The following MSANTD7 variants were observed in gnomAD, a reference collection of about 807,000 sequenced individuals.
The protein encoded by MSANTD7 is Myb/SANT DNA binding domain containing 7.
chr10:14,842,872 T>C, the MSANTD7 span: 1 of 1,462,048 alleles, frequency 6.8e-7, no homozygotes, highest in Admixed American at 2.1e-5. The surrounding 1 kb of genome is among the most constrained non-coding windows in gnomAD (Gnocchi z 5.2). Context: ...GTGAAGGAGT[T>C]GGGTCCCAGA....
At chr10:14,840,433 A>G in the MSANTD7 span, among the ~76,000 whole-genome samples, 1 of 151,910 alleles carries the variant, frequency 6.6e-6, no homozygotes, top group East Asian at 1.9e-4. Context: ...ACATTTTTAG[A>G]TTTTTTTTAA....
the MSANTD7 span, among the ~76,000 whole-genome samples, chr10:14,839,097 C>CTACAGAG: frequency 2.6e-5 from 4 of 152,134 alleles, no homozygotes; most frequent in Non-Finnish European, 4.4e-5. Context: ...GTTGATGGTG[C>CTACAGAG]GTGGTCTACA....
chr10:14,846,964 C>A, the MSANTD7 span: 1 of 985,228 alleles, frequency 1.0e-6, no homozygotes, highest in Non-Finnish European at 1.2e-6. Context: ...GTTCGGTAAT[C>A]CTGGTGTGGA....
At chr10:14,839,584 A>AG in the MSANTD7 span, among the ~76,000 whole-genome samples, 1 of 152,100 alleles carries the variant, frequency 6.6e-6, no homozygotes, top group Non-Finnish European at 1.5e-5. Context: ...AAAAAAAAAA[A>AG]AAAGAAATGG....
At chr10:14,841,989 A>G in the MSANTD7 span, 18 of 524,126 alleles carry the variant, frequency 3.4e-5, no homozygotes, top group African/African-American at 1.7e-4. Flanking sequence ...TGCCGTGTCT[A>G]CCCTGGGTGA....
the MSANTD7 span, chr10:14,838,427 G>C: frequency 6.2e-7 from 1 of 1,606,620 alleles, no homozygotes; most frequent in South Asian, 1.1e-5. Context: ...AGTTCACCTG[G>C]GCTGCACCTC....
the MSANTD7 span, chr10:14,842,770 T>C: frequency 1.4e-5 from 21 of 1,536,366 alleles, no homozygotes; most frequent in Admixed American, 2.0e-5. The surrounding 1 kb of genome is among the most constrained non-coding windows in gnomAD (Gnocchi z 5.2). Flanking sequence ...CAGATGAGGA[T>C]TGTCAGCTAA....
chr10:14,846,110 A>G, the MSANTD7 span: 2 of 982,706 alleles, frequency 2.0e-6, no homozygotes, highest in South Asian at 4.7e-5. Context: ...GTGCCACACC[A>G]GACATATAGA....
the MSANTD7 span, chr10:14,844,026 T>G: frequency 6.9e-7 from 1 of 1,444,400 alleles, no homozygotes; most frequent in Non-Finnish European, 9.0e-7. Flanking sequence ...CCAGATAGTA[T>G]GAAAATAATT....
chr10:14,839,902 T>C, the MSANTD7 span: 26 of 1,611,528 alleles, frequency 1.6e-5, no homozygotes, highest in Admixed American at 5.0e-5. Flanking sequence ...TTTTTTTCTC[T>C]AGGATGGCCG....
chr10:14,842,995 G>C, the MSANTD7 span: 46 of 697,664 alleles, frequency 6.6e-5, no homozygotes, highest in East Asian at 6.2e-4. This position sits in a 1 kb window ranked among gnomAD's most constrained non-coding sequence, Gnocchi z 5.2. Flanking sequence ...CTAATAGTAA[G>C]CTAAAGGGTT....
chr10:14,838,703 G>A, the MSANTD7 span: 6 of 474,934 alleles, frequency 1.3e-5, no homozygotes, highest in African/African-American at 1.0e-4. Context: ...GTCCCAGGGC[G>A]TCATGGCGGC....
chr10:14,842,636 G>T, the MSANTD7 span: 1 of 1,536,168 alleles, frequency 6.5e-7, no homozygotes, highest in Non-Finnish European at 8.7e-7. The surrounding 1 kb of genome is among the most constrained non-coding windows in gnomAD (Gnocchi z 5.2). Flanking sequence ...TGCTGCTTGG[G>T]CCAAGCACTG....
chr10:14,846,721 A>G, the MSANTD7 span: 15 of 984,484 alleles, frequency 1.5e-5, no homozygotes, highest in East Asian at 1.2e-3. Context: ...ACTTTCAGAC[A>G]TGTAAGGCAC....
the MSANTD7 span, chr10:14,842,339 A>C: frequency 6.5e-7 from 1 of 1,535,742 alleles, no homozygotes; most frequent in South Asian, 1.2e-5. This position sits in a 1 kb window ranked among gnomAD's most constrained non-coding sequence, Gnocchi z 5.2. Flanking sequence ...GGAGACACGA[A>C]CTCTTCTCTC....
At chr10:14,841,214 A>G in the MSANTD7 span, 2 of 152,314 alleles carry the variant, frequency 1.3e-5, no homozygotes, top group East Asian at 3.9e-4. Flanking sequence ...AGAGAATTCA[A>G]TATTCAGTGA....
the MSANTD7 span, chr10:14,844,195 A>G: frequency 4.2e-6 from 5 of 1,176,800 alleles, no homozygotes; most frequent in Non-Finnish European, 5.4e-6. Context: ...TGGTTTCCTC[A>G]TCCGTAAAAT....
chr10:14,841,810 G>A, the MSANTD7 span, among the ~76,000 whole-genome samples: 1 of 152,202 alleles, frequency 6.6e-6, no homozygotes, highest in Admixed American at 6.5e-5. Context: ...TTGCTATACC[G>A]TGGTCATGCT....
chr10:14,844,964 T>C, the MSANTD7 span: 1 of 985,462 alleles, frequency 1.0e-6, no homozygotes, highest in Non-Finnish European at 1.2e-6. Context: ...CCTCAGATGT[T>C]GTAGACAGAA....
Sources: allele counts gnomAD v4.1 joint callset (sites outside exome capture counted in the v4.1 genomes callset), GRCh38; gene constraint gnomAD v4.1.1; non-coding constraint Gnocchi (gnomAD v3.1); transcripts MANE v1.5; gene names NCBI Gene and HGNC (gene_info 2026-07-23, HGNC 2026-07-21).